RBFOX1: variants seen among roughly 807,000 people sequenced by gnomAD.
RBFOX1 encodes the protein RNA binding fox-1 homolog 1.
In RBFOX1, 8 loss-of-function variants were observed where a neutral mutation model predicts 57.7. The ratio of observed to expected loss-of-function variants is 0.14; its 90% CI spans 0.08 to 0.25. The LOEUF is 0.25. Among genes scored for constraint, RBFOX1 ranks in the 10% least tolerant of loss-of-function variants. The probability of loss-of-function intolerance (pLI) is 1.00; values close to 1 mark genes in which losing one functional copy is unlikely to be tolerated. For missense variants in RBFOX1, 611 were observed against 548.5 expected, an observed-to-expected ratio of 1.11 and a Z score of -1.14; for synonymous variants, 326 against 222.4, an observed-to-expected ratio of 1.47 and a Z score of -4.15.
chr16:7,404,814 C>G (rs548736223), intron 4 of RBFOX1, among the ~76,000 whole-genome samples: 84 of 152,304 alleles, frequency 5.5e-4, no homozygotes, highest in Non-Finnish European at 1.0e-3. Flanking sequence ...TCCCTTTTCA[C>G]TGACGCAGAA....
At chr16:5,814,158 C>A (rs1325892383) in intron 3 of RBFOX1, among the ~76,000 whole-genome samples, 5 of 152,108 alleles carry the variant, frequency 3.3e-5, no homozygotes, top group Non-Finnish European at 5.9e-5. Flanking sequence ...GAGAAGGTGT[C>A]TCTTGAGGCC....
At chr16:5,815,150 A>T (rs980309716) in intron 3 of RBFOX1, among the ~76,000 whole-genome samples, 5 of 131,286 alleles carry the variant, frequency 3.8e-5, no homozygotes, top group African/African-American at 5.7e-5. Context: ...TGGCTAATTT[A>T]ATTTAATTTT....
chr16:6,548,945 G>A (rs986994098), intron 2 of RBFOX1, among the ~76,000 whole-genome samples: 2 of 150,540 alleles, frequency 1.3e-5, no homozygotes, highest in East Asian at 2.0e-4. Context: ...GCATGGTGGC[G>A]GCGCCTGTAA....
chr16:6,755,355 C>G (rs573991327), intron 3 of RBFOX1, among the ~76,000 whole-genome samples: 1 of 152,262 alleles, frequency 6.6e-6, no homozygotes, highest in East Asian at 1.9e-4. Context: ...CACATCCTCT[C>G]CAGCACCTGT....
At chr16:6,963,040 A>G (rs2083352426) in intron 3 of RBFOX1, among the ~76,000 whole-genome samples, 1 of 152,132 alleles carries the variant, frequency 6.6e-6, no homozygotes, top group South Asian at 2.1e-4. Flanking sequence ...TTTGAAACAC[A>G]GTCACTGTGT....
intron 1 of RBFOX1, among the ~76,000 whole-genome samples, chr16:5,424,936 TCTCTCTTCTTTCTTCCTTTG>T (rs2067487684): frequency 9.9e-6 from 1 of 100,940 alleles, no homozygotes; most frequent in Non-Finnish European, 2.1e-5. Flanking sequence ...TCTTTCTTTC[TCTCTCTTCTTTCTTCCTTTG>T]TTTCTTTCTC....
chr16:5,420,375 C>T (rs2067279645), intron 1 of RBFOX1, among the ~76,000 whole-genome samples: 1 of 115,798 alleles, frequency 8.6e-6, no homozygotes, highest in African/African-American at 3.6e-5. Flanking sequence ...AATAAATATT[C>T]TCCACCACCC....
intron 3 of RBFOX1, among the ~76,000 whole-genome samples, chr16:5,855,234 C>A (rs1012789580): frequency 2.0e-5 from 3 of 152,098 alleles, no homozygotes; most frequent in African/African-American, 7.2e-5. Flanking sequence ...TTGATGAAAG[C>A]CTACTTGTTC....
At chr16:7,625,326 T>G (rs1165259106) in intron 10 of RBFOX1, among the ~76,000 whole-genome samples, 1 of 152,094 alleles carries the variant, frequency 6.6e-6, no homozygotes, top group African/African-American at 2.4e-5. Context: ...CACCCAGCCC[T>G]TCGAGCAGTC....
At chr16:5,280,596 G>C (rs2063247264) in intron 1 of RBFOX1, among the ~76,000 whole-genome samples, 1 of 152,146 alleles carries the variant, frequency 6.6e-6, no homozygotes, top group Non-Finnish European at 1.5e-5. Flanking sequence ...TTTTGTTACT[G>C]ATCCAAACCT....
At chr16:7,174,591 G>T (rs2081300860) in intron 4 of RBFOX1, among the ~76,000 whole-genome samples, 1 of 152,126 alleles carries the variant, frequency 6.6e-6, no homozygotes, top group Non-Finnish European at 1.5e-5. Flanking sequence ...GATTAACCTG[G>T]TGTAGGTGGT....
At chr16:6,831,159 T>C (rs2092682627) in intron 3 of RBFOX1, among the ~76,000 whole-genome samples, 1 of 152,190 alleles carries the variant, frequency 6.6e-6, no homozygotes, top group Non-Finnish European at 1.5e-5. Context: ...CTCATTATAA[T>C]TTCATTAGCA....
intron 2 of RBFOX1, among the ~76,000 whole-genome samples, chr16:5,591,676 A>T (rs1490092107): frequency 1.3e-5 from 2 of 152,214 alleles, no homozygotes; most frequent in Admixed American, 6.5e-5. Context: ...ACCACTGAGC[A>T]TTTTACTGTT....
intron 3 of RBFOX1, among the ~76,000 whole-genome samples, chr16:6,819,753 A>G (rs2090934796): frequency 6.6e-6 from 1 of 150,394 alleles, no homozygotes; most frequent in Non-Finnish European, 1.5e-5. Context: ...AAAGGTATAT[A>G]GTATAACAGG....
chr16:7,708,554 T>C (rs1409364644), intron 14 of RBFOX1, among the ~76,000 whole-genome samples: 1 of 152,234 alleles, frequency 6.6e-6, no homozygotes, highest in East Asian at 1.9e-4. Flanking sequence ...TCCATTCAAA[T>C]ATACTTGTTC....
chr16:6,853,396 T>G (rs1268029090), intron 3 of RBFOX1, among the ~76,000 whole-genome samples: 2 of 152,180 alleles, frequency 1.3e-5, no homozygotes, highest in Non-Finnish European at 2.9e-5. Context: ...GAATTTTAGT[T>G]CGCAGAGTTA....
intron 3 of RBFOX1, among the ~76,000 whole-genome samples, chr16:6,953,159 A>G (rs1357465212): frequency 1.3e-5 from 2 of 152,150 alleles, no homozygotes; most frequent in East Asian, 1.9e-4. Flanking sequence ...CACTGAAGGA[A>G]AAATAACCAT....
At chr16:6,128,098 G>A (rs1231900937) in intron 1 of RBFOX1, among the ~76,000 whole-genome samples, 1 of 151,894 alleles carries the variant, frequency 6.6e-6, no homozygotes, top group African/African-American at 2.4e-5. Flanking sequence ...TGAAATTGAG[G>A]CATATCTCTA....
intron 1 of RBFOX1, among the ~76,000 whole-genome samples, chr16:5,429,335 C>T (rs1443480024): frequency 1.3e-5 from 2 of 152,234 alleles, no homozygotes; most frequent in Non-Finnish European, 2.9e-5. Context: ...TTTCTCCGCA[C>T]TGGGTTCACT....
Sources: allele counts gnomAD v4.1 joint callset (sites outside exome capture counted in the v4.1 genomes callset), GRCh38; gene constraint gnomAD v4.1.1; transcripts MANE v1.5; gene names NCBI Gene and HGNC (gene_info 2026-07-23, HGNC 2026-07-21).